The following MSRA variants were observed in gnomAD, a reference collection of about 807,000 sequenced individuals.
MSRA encodes mitochondrial peptide methionine sulfoxide reductase.
MSRA carries 54 observed loss-of-function variants against 31.3 expected under a neutral mutation model. The ratio of observed to expected loss-of-function variants is 1.73; its 90% CI spans 1.39 to 2.17. The LOEUF is 2.17. MSRA is among the 30% of genes most tolerant of loss of function. MSRA has a pLI of 0.00. For synonymous variants in MSRA, 169 were observed against 116.5 expected, an observed-to-expected ratio of 1.45 and a Z score of -2.90; for missense variants, 507 against 300.9, an observed-to-expected ratio of 1.69 and a Z score of -5.07.
chr8:10,242,431 G>A (rs1263899949), intron 2 of MSRA, among the ~76,000 whole-genome samples: 1 of 152,132 alleles, frequency 6.6e-6, no homozygotes, highest in Non-Finnish European at 1.5e-5. Context: ...GTTTCTGTTG[G>A]GATTGGAGTG....
intron 1 of MSRA, among the ~76,000 whole-genome samples, chr8:10,108,827 G>C (rs1400929661): frequency 6.6e-6 from 1 of 151,500 alleles, no homozygotes; most frequent in Non-Finnish European, 1.5e-5. Flanking sequence ...TTAGTTCTCT[G>C]TCTCTCCACT....
chr8:10,250,464 T>G, intron 3 of MSRA: 1 of 702,476 alleles, frequency 1.4e-6, no homozygotes, highest in Non-Finnish European at 2.6e-6. Flanking sequence ...ATTCAAAAGC[T>G]TTTAGAAATC....
intron 5 of MSRA, among the ~76,000 whole-genome samples, chr8:10,346,046 T>C (rs1212997549): frequency 2.9e-5 from 3 of 102,412 alleles, no homozygotes; most frequent in Non-Finnish European, 5.6e-5. Flanking sequence ...TTGTATTGTG[T>C]TTATGTGTAC....
chr8:10,276,210 C>G (rs932681999), intron 3 of MSRA, among the ~76,000 whole-genome samples: 41 of 152,330 alleles, frequency 2.7e-4, no homozygotes, highest in African/African-American at 8.7e-4. Flanking sequence ...AGCAGTGGCT[C>G]CCTGACTGTG....
chr8:10,102,573 C>A (rs757891378), intron 1 of MSRA, among the ~76,000 whole-genome samples: 1 of 152,222 alleles, frequency 6.6e-6, no homozygotes, highest in Non-Finnish European at 1.5e-5. Context: ...ATAATTCCAA[C>A]ATCTGTGCCA....
intron 5 of MSRA, among the ~76,000 whole-genome samples, chr8:10,419,244 C>G (rs1194693513): frequency 6.6e-6 from 1 of 152,176 alleles, no homozygotes; most frequent in African/African-American, 2.4e-5. Context: ...ATCCTGGGGG[C>G]TTCCTTATCC....
chr8:10,065,725 C>T (rs1391162979), intron 1 of MSRA, among the ~76,000 whole-genome samples: 1 of 152,190 alleles, frequency 6.6e-6, no homozygotes, highest in Non-Finnish European at 1.5e-5. Flanking sequence ...TTTGCGTGTA[C>T]ATTTGCTTCC....
intron 5 of MSRA, among the ~76,000 whole-genome samples, chr8:10,402,044 A>G (rs555207956): frequency 1.4e-4 from 22 of 152,340 alleles, no homozygotes; most frequent in African/African-American, 5.1e-4. Context: ...TAAAATAGTA[A>G]ATATTATGTT....
At chr8:10,399,693 A>G (rs1440265548) in intron 5 of MSRA, among the ~76,000 whole-genome samples, 5 of 152,208 alleles carry the variant, frequency 3.3e-5, no homozygotes, top group African/African-American at 1.2e-4. Flanking sequence ...GGCCTAAAAC[A>G]ATAGGCTTCC....
chr8:10,399,912 T>G (rs1347593891), intron 5 of MSRA, among the ~76,000 whole-genome samples: 1 of 152,070 alleles, frequency 6.6e-6, no homozygotes, highest in Non-Finnish European at 1.5e-5. Context: ...ATGGAACTTG[T>G]CAGAAAGGGA....
chr8:10,067,435 A>G (rs1031535495), intron 1 of MSRA, among the ~76,000 whole-genome samples: 1 of 152,254 alleles, frequency 6.6e-6, no homozygotes, highest in African/African-American at 2.4e-5. Context: ...AAATATGTGC[A>G]TCACTTACAT....
chr8:10,108,891 G>C (rs1052773672), intron 1 of MSRA, among the ~76,000 whole-genome samples: 2 of 152,094 alleles, frequency 1.3e-5, no homozygotes, highest in African/African-American at 2.4e-5. Flanking sequence ...TGCCAATGTA[G>C]GCAGCCCTCC....
At chr8:10,100,817 T>A (rs1412131946) in intron 1 of MSRA, among the ~76,000 whole-genome samples, 1 of 152,182 alleles carries the variant, frequency 6.6e-6, no homozygotes, top group Non-Finnish European at 1.5e-5. Context: ...GATGAACATT[T>A]TCTTCTCTTA....
At chr8:10,403,084 C>T (rs1009773171) in intron 5 of MSRA, among the ~76,000 whole-genome samples, 10 of 152,206 alleles carry the variant, frequency 6.6e-5, no homozygotes, top group African/African-American at 1.2e-4. Flanking sequence ...GGCACTCACA[C>T]GTACGAAGCT....
At chr8:10,226,493 A>G (rs959240162) in intron 2 of MSRA, among the ~76,000 whole-genome samples, 2 of 152,190 alleles carry the variant, frequency 1.3e-5, no homozygotes, top group African/African-American at 2.4e-5. Context: ...AGATCATTCT[A>G]CTATATTAAT....
chr8:10,188,404 C>T (rs1406182644), intron 1 of MSRA, among the ~76,000 whole-genome samples: 4 of 152,116 alleles, frequency 2.6e-5, no homozygotes, highest in Non-Finnish European at 5.9e-5. Context: ...CAGACTGTTT[C>T]GTTAGGATGT....
rs535903300 is a variant in MSRA at position 10,215,509 on chromosome 8, A to C, written c.211+7608A>C. Among the ~76,000 whole-genome samples, 3 of 152,318 alleles carry C rather than the reference A, an allele frequency of 2.0e-5. No homozygotes were observed. The South Asian group carries it at 6.2e-4, about 32-fold the overall frequency. Reference sequence around the variant, plus strand: ...CTGTGATCAAGTCCCCGGGAGAGTGACGCCAACATCACTAGGCTCTATGGG... The same window carrying C: ...CTGTGATCAAGTCCCCGGGAGAGTGCCGCCAACATCACTAGGCTCTATGGG... On this transcript the variant is annotated intron_variant, in intron 2 of 5. Coordinates refer to ENST00000317173, the MANE Select transcript of MSRA (RefSeq NM_012331.5).
chr8:10,129,888 G>A (rs544206505), intron 1 of MSRA, among the ~76,000 whole-genome samples: 2 of 151,970 alleles, frequency 1.3e-5, no homozygotes, highest in Non-Finnish European at 2.9e-5. Context: ...CTCTCTCTCC[G>A]TAATGATAAA....
At chr8:10,391,612 A>T (rs1806752649) in intron 5 of MSRA, among the ~76,000 whole-genome samples, 1 of 152,240 alleles carries the variant, frequency 6.6e-6, no homozygotes, top group African/African-American at 2.4e-5. Context: ...CAAGATGAGG[A>T]TACTGGGTGA....
Sources: allele counts gnomAD v4.1 joint callset (sites outside exome capture counted in the v4.1 genomes callset), GRCh38; gene constraint gnomAD v4.1.1; transcripts MANE v1.5; gene names NCBI Gene and HGNC (gene_info 2026-07-23, HGNC 2026-07-21).